The following FZD4 variants were observed in gnomAD, a reference collection of about 807,000 sequenced individuals.
FZD4 encodes frizzled-4.
FZD4 carries 16 observed loss-of-function variants against 37.3 expected under a neutral mutation model. The ratio of observed to expected loss-of-function variants is 0.43; its 90% confidence interval spans 0.29 to 0.65. The LOEUF is 0.65. Ranked by LOEUF, FZD4 falls within the 30% of genes least tolerant of loss-of-function variation. FZD4 has a pLI of 0.16. For missense variants in FZD4, 599 were observed against 674.3 expected (o/e 0.89, Z 1.24); for synonymous variants, 246 against 254.8 (o/e 0.97, Z 0.33).
Position 86,954,249 on chromosome 11 carries a change from G to A in FZD4, c.285+552C>T, listed in dbSNP as rs1044857458. 133 of 984,818 alleles carry A rather than the reference G, an allele frequency of 1.4e-4. 1 individual carries two copies. The highest frequency in any genetic ancestry group is 1.4e-4 in the Non-Finnish European group (118 of 829,592). 61.0% of individuals were successfully genotyped at this position (984,818 alleles called of 1,614,324 possible). ...TTCTCACCCTCCAAGCATTAAACGT[G>A]CCTTCAACTGTGAGGATAAGAAAGA... On this transcript the variant is annotated intron_variant, in intron 1 of 1. Coordinates refer to ENST00000531380, the MANE Select transcript of FZD4 (RefSeq NM_012193.4).
Position 86,947,916 on chromosome 11 carries a change from A to G in FZD4, c.*3226T>C, listed in dbSNP as rs1173525125. ...CATTTACTGTAGGTTTCAGAGAAAGAAAAACAACCCTCACCTTTTCTCTAG... is the reference window on the plus strand; with the variant it reads ...CATTTACTGTAGGTTTCAGAGAAAGGAAAACAACCCTCACCTTTTCTCTAG... On this transcript the variant is annotated 3_prime_UTR_variant, in exon 2 of 2. Coordinates refer to ENST00000531380, the MANE Select transcript of FZD4 (RefSeq NM_012193.4). 1 of 152,280 alleles carries G rather than the reference A, an allele frequency of 6.6e-6. No homozygotes were observed. The highest frequency in any genetic ancestry group is 1.5e-5 in the Non-Finnish European group (1 of 68,068). 9.4% of individuals were successfully genotyped at this position (152,280 alleles called of 1,614,324 possible). A position where few individuals can be genotyped will look rare whatever the true frequency, so the allele number is the denominator to read the frequency against.
chr11:86,952,056 T>C lies in FZD4; in HGVS notation c.700A>G (p.Thr234Ala), dbSNP rs1470464003. The change falls in exon 2 of 2, where the codon ACT becomes GCT. Residue 234 changes from threonine to alanine, a missense_variant. Thr to Ala is a moderately conservative substitution (Grantham distance 58). Coordinates refer to ENST00000531380, the MANE Select transcript of FZD4 (RefSeq NM_012193.4). The stretch of plus-strand genomic sequence containing the variant: ...AGGAAGGTCAGTACTGTGAAGGCAG[T>C]GGAGATGAAACACAGGCTGGCCCAC... ...AVWASLCFIS[T>A]AFTVLTFLID... The C allele has an allele frequency of 1.9e-6, 3 of 1,613,932 alleles. No homozygotes were observed. The highest frequency in any genetic ancestry group is 1.3e-5 in the African/African-American group (1 of 74,900).
intron 1 of FZD4, 36 bp downstream of exon 1, chr11:86,954,765 A>C (rs866483790): frequency 6.4e-7 from 1 of 1,568,428 alleles, no homozygotes; most frequent in African/African-American, 1.4e-5. Flanking sequence ...TCCCTCCCCA[A>C]GGGGTCCCGC....
At chr11:86,954,213 C>T in intron 1 of FZD4, 1 of 984,764 alleles carries the variant, frequency 1.0e-6, no homozygotes, top group Non-Finnish European at 1.2e-6. Context: ...CAACCACCTT[C>T]CTGCAGCTTC....
chr11:86,945,748 A>G lies in FZD4; in HGVS notation c.*5394T>C, dbSNP rs1949237269. 6.6e-6 allele frequency: 1 copy of G among 152,634 alleles called. No homozygotes were observed. Among genetic ancestry groups the G allele is most frequent in the Admixed American group, 6.5e-5 (1 of 15,280 alleles). The allele number at this position is 152,634 out of a possible 1,614,324, so 9.5% of individuals were successfully genotyped here. A position where few individuals can be genotyped will look rare whatever the true frequency, so the allele number is the denominator to read the frequency against. On this transcript the variant is annotated 3_prime_UTR_variant, in exon 2 of 2. Transcript: ENST00000531380. ...AAGGGGTTTTCTTTGTACAGTGATAAATTAGAAATTTACAGTACAGACATC... is the reference window on the plus strand; with the variant it reads ...AAGGGGTTTTCTTTGTACAGTGATAGATTAGAAATTTACAGTACAGACATC...
In FZD4 at chr11:86,946,429, T is replaced by C. The variant is rs1463868032; in HGVS notation, c.*4713A>G. ...AAATTGCCTGGGGAAATTCTGGGAA[T>C]TGGCTGATGCAAAGAAGAAGAGAAA... On this transcript the variant is annotated 3_prime_UTR_variant, in exon 2 of 2. Transcript: ENST00000531380. 6.6e-6 allele frequency: 1 copy of C among 152,144 alleles called. No individual in the cohort carries two copies. The highest frequency in any genetic ancestry group is 2.4e-5 in the African/African-American group (1 of 41,412). The allele number at this position is 152,144 out of a possible 1,614,324, so 9.4% of individuals were successfully genotyped here.
rs997465743 is a variant in FZD4 at position 86,948,438 on chromosome 11, A to C, written c.*2704T>G. ...ATTTAAGAAGTGATGGAGTTGATTG[A>C]AGGTCACTGGTAACTGACCCCTCAG... On this transcript the variant is annotated 3_prime_UTR_variant, in exon 2 of 2. Coordinates refer to ENST00000531380, the MANE Select transcript of FZD4 (RefSeq NM_012193.4). 1 of 152,166 alleles carries C rather than the reference A, an allele frequency of 6.6e-6. No homozygotes were observed. The highest frequency in any genetic ancestry group is 2.4e-5 in the African/African-American group (1 of 41,446). 9.4% of individuals were successfully genotyped at this position (152,166 alleles called of 1,614,324 possible).
At position 86,955,217 on chromosome 11, in the gene FZD4, C is replaced by T. The variant is rs1949326717; in HGVS notation, c.-132G>A. 1 of 656,688 alleles carries T rather than the reference C, an allele frequency of 1.5e-6. No individual in the cohort carries two copies. Among genetic ancestry groups the T allele is most frequent in the Non-Finnish European group, 2.3e-6 (1 of 427,238 alleles). The allele number at this position is 656,688 out of a possible 1,614,324, so 40.7% of individuals were successfully genotyped here. On this transcript the variant is annotated 5_prime_UTR_variant, in exon 1 of 2. Coordinates refer to ENST00000531380, the MANE Select transcript of FZD4 (RefSeq NM_012193.4). The stretch of plus-strand genomic sequence containing the variant: ...GGAGTGTGATGCGGCGACGAGGGGG[C>T]AGCGGCCGGCTCTCCAGCAGCTGCG...
chr11:86,951,256 A>C lies in FZD4; in HGVS notation c.1500T>G (p.Thr500=). The change falls in exon 2 of 2, where the codon ACT becomes ACG. Residue 500 remains threonine (T), a synonymous_variant. Coordinates refer to ENST00000531380, the MANE Select transcript of FZD4 (RefSeq NM_012193.4). ...TSGMWIWSAK[T]LHTWQKCSNR... is the part of the protein sequence containing the mutation. The stretch of plus-strand genomic sequence containing the variant: ...TGGAACACTTCTGCCACGTGTGAAG[A>C]GTTTTGGCAGACCAAATCCACATGC... 6.2e-7 allele frequency: 1 copy of C among 1,614,188 alleles called. No homozygotes were observed. The highest frequency in any genetic ancestry group is 2.2e-5 in the East Asian group (1 of 44,888).
Position 86,949,032 on chromosome 11 carries a change from T to C in FZD4, c.*2110A>G, listed in dbSNP as rs937980427. 1 of 152,438 alleles carries C rather than the reference T, an allele frequency of 6.6e-6. No homozygotes were observed. Among genetic ancestry groups the C allele is most frequent in the African/African-American group, 2.4e-5 (1 of 41,436 alleles). The allele number at this position is 152,438 out of a possible 1,614,324, so 9.4% of individuals were successfully genotyped here. A position where few individuals can be genotyped will look rare whatever the true frequency, so the allele number is the denominator to read the frequency against. On this transcript the variant is annotated 3_prime_UTR_variant, in exon 2 of 2. Transcript: ENST00000531380. Reference sequence around the variant, plus strand: ...CAGGGAGTTCACATTTTACATTTCATAGGCAATGGAGTATCAGATGGAGTT... The same window carrying C: ...CAGGGAGTTCACATTTTACATTTCACAGGCAATGGAGTATCAGATGGAGTT...
chr11:86,955,152 G>A lies in FZD4; in HGVS notation c.-67C>T, dbSNP rs1399746839. The stretch of plus-strand genomic sequence containing the variant: ...CTGGCAGACACCCCCAGTTTGCACG[G>A]GGGCGCCGGCTGCCCGCGCTGCTCC... On this transcript the variant is annotated 5_prime_UTR_variant, in exon 1 of 2. Transcript: ENST00000531380. The A allele has an allele frequency of 1.6e-6, 2 of 1,264,880 alleles. No homozygotes were observed. Among genetic ancestry groups the A allele is most frequent in the Admixed American group, 3.6e-5 (1 of 27,720 alleles). The allele number at this position is 1,264,880 out of a possible 1,614,324, so 78.4% of individuals were successfully genotyped here.
intron 1 of FZD4, 79 bp from the exon 2 acceptor site, chr11:86,952,549 T>C (rs1312436529): frequency 3.3e-6 from 5 of 1,514,200 alleles, no homozygotes; most frequent in Admixed American, 1.7e-5. Flanking sequence ...CAAAGCTGAG[T>C]TGAATGCTTC....
chr11:86,946,462 C>T lies in FZD4; in HGVS notation c.*4680G>A, dbSNP rs1190196301. The stretch of plus-strand genomic sequence containing the variant: ...TGCAAAGAAGAAGAGAAAAAAGGTA[C>T]ATCAGAAACAGAAACATGCTACTAT... On this transcript the variant is annotated 3_prime_UTR_variant, in exon 2 of 2. Transcript: ENST00000531380. The T allele has an allele frequency of 6.6e-6, 1 of 152,186 alleles. No homozygotes were observed. Among genetic ancestry groups the T allele is most frequent in the Admixed American group, 6.5e-5 (1 of 15,272 alleles). 9.4% of individuals were successfully genotyped at this position (152,186 alleles called of 1,614,324 possible). A position where few individuals can be genotyped will look rare whatever the true frequency, so the allele number is the denominator to read the frequency against.
At position 86,951,638 on chromosome 11, in the gene FZD4, A is replaced by C. The variant is rs753949923; in HGVS notation, c.1118T>G (p.Leu373Arg). 5 of 1,614,088 alleles carry C rather than the reference A, an allele frequency of 3.1e-6. No individual in the cohort carries two copies. The highest frequency in any genetic ancestry group is 4.2e-6 in the Non-Finnish European group (5 of 1,180,044). The change falls in exon 2 of 2, where the codon CTG becomes CGG. Residue 373 changes from leucine (L) to arginine (R), a missense_variant. Physicochemically the swap from Leu to Arg is moderately radical, Grantham distance 102 (BLOSUM62 -2). Transcript: ENST00000531380. ...GTTTCCAACATAGCACAAGCCAGTC[A>C]GTTCATCTGCATCCACCAGTCTCAT... ...LIMRLVDADE[L>R]TGLCYVGNQN...
At chr11:86,953,032 A>G (rs1198978810) in intron 1 of FZD4, 2 of 152,880 alleles carry the variant, frequency 1.3e-5, no homozygotes, top group African/African-American at 4.8e-5. Flanking sequence ...GATGGGATGC[A>G]GATTGAGGTC....
rs1480442498 is a variant in FZD4 at position 86,950,395 on chromosome 11, G to A, written c.*747C>T. 1 of 152,500 alleles carries A rather than the reference G, an allele frequency of 6.6e-6. No homozygotes were observed. Among genetic ancestry groups the A allele is most frequent in the Non-Finnish European group, 1.5e-5 (1 of 68,022 alleles). 9.4% of individuals were successfully genotyped at this position (152,500 alleles called of 1,614,324 possible). ...AAAATTCTATAAAAATACCTTTTTTGAGTCATTAACATAAAATGAAGAAAA... is the reference window on the plus strand; with the variant it reads ...AAAATTCTATAAAAATACCTTTTTTAAGTCATTAACATAAAATGAAGAAAA... On this transcript the variant is annotated 3_prime_UTR_variant, in exon 2 of 2. Transcript: ENST00000531380.
chr11:86,954,344 T>C (rs1949318585), intron 1 of FZD4: 3 of 985,250 alleles, frequency 3.0e-6, no homozygotes, highest in Non-Finnish European at 3.6e-6. Flanking sequence ...GAGAAGGGGC[T>C]ATTCAGCAGA....
Position 86,955,100 on chromosome 11 carries a change from G to C in FZD4, c.-15C>G. ...CGCCAGGCCATGGCCAGCATCGGGG[G>C]TAGCAGCGGCAGCGGCTGGGGCTGC... is the stretch of plus-strand genomic sequence containing the variant. On this transcript the variant is annotated 5_prime_UTR_variant, in exon 1 of 2. Coordinates refer to ENST00000531380, the MANE Select transcript of FZD4 (RefSeq NM_012193.4). 1 of 1,479,678 alleles carries C rather than the reference G, an allele frequency of 6.8e-7. No individual in the cohort carries two copies. Among genetic ancestry groups the C allele is most frequent in the Non-Finnish European group, 8.9e-7 (1 of 1,120,954 alleles). The allele number at this position is 1,479,678 out of a possible 1,614,324, so 91.7% of individuals were successfully genotyped here. A position where few individuals can be genotyped will look rare whatever the true frequency, so the allele number is the denominator to read the frequency against.
chr11:86,954,283 C>T, intron 1 of FZD4: 1 of 985,106 alleles, frequency 1.0e-6, no homozygotes, highest in Non-Finnish European at 1.2e-6. Flanking sequence ...GAACTCAAGC[C>T]AACCCAACCA....
Sources: allele counts gnomAD v4.1 joint callset, GRCh38; gene constraint gnomAD v4.1.1; transcripts MANE v1.5; gene names NCBI Gene and HGNC (gene_info 2026-07-23, HGNC 2026-07-21).